HTN3: variants seen among roughly 807,000 people sequenced by gnomAD.
HTN3 encodes the protein histatin 3.
Under a neutral mutation model 10.6 loss-of-function variants are expected in HTN3, and 15 were observed. The observed-to-expected ratio is 1.42, with a 90% CI of 0.95 to 2.18. The LOEUF (loss-of-function observed/expected upper bound fraction) is 2.18. Ranked by LOEUF, HTN3 falls within the 30% of genes most tolerant of loss-of-function variation. The pLI is 0.00. For synonymous variants in HTN3, 15 were observed against 16.9 expected (o/e 0.89, Z 0.27); for missense variants, 68 against 58.0 (o/e 1.17, Z -0.56).
chr4:70,034,763 A>G (rs1390447489), intron 5 of HTN3, among the ~76,000 whole-genome samples: 2 of 152,222 alleles, frequency 1.3e-5, no homozygotes, highest in Non-Finnish European at 2.9e-5. Flanking sequence ...TGTTTATTGC[A>G]GCACTATTTA....
Position 70,032,003 on chromosome 4 carries a change from A to G in HTN3, c.72+4A>G. 1 of 1,563,644 alleles carries G rather than the reference A, an allele frequency of 6.4e-7. No individual in the cohort carries two copies. Among genetic ancestry groups the G allele is most frequent in the Non-Finnish European group, 8.8e-7 (1 of 1,138,518 alleles). On this transcript the variant is annotated splice_donor_region_variant and intron_variant, in intron 3 of 5. Coordinates refer to ENST00000673563, the MANE Select transcript of HTN3 (RefSeq NM_000200.3). ...GGGAGCTGATTCACATGCAAAGGTA[A>G]GACATTTTCATTTACTGGAAAACTT...
intron 4 of HTN3, among the ~76,000 whole-genome samples, 191 bp downstream of exon 4, chr4:70,032,298 G>A (rs561798967): frequency 5.3e-5 from 8 of 151,994 alleles, no homozygotes; most frequent in South Asian, 2.1e-4. Flanking sequence ...GCATTTCAAC[G>A]GAAACTCAAT....
At position 70,032,085 on chromosome 4, in the gene HTN3, A is replaced by G. The variant is rs199755562; in HGVS notation, c.80A>G (p.His27Arg). The G allele has an allele frequency of 6.5e-7, 1 of 1,535,704 alleles. No individual in the cohort carries two copies. Among genetic ancestry groups the G allele is most frequent in the Non-Finnish European group, 9.0e-7 (1 of 1,115,578 alleles). ...TTTCTTTTTATTTCATAGAGACATC[A>G]TGGGTATAAAAGAAAATTCCATGTA... ...TGADSHAKRH[H>R]GYKRKFHEKH... The change falls in exon 4 of 6, where the codon CAT becomes CGT. Residue 27 changes from histidine to arginine, a missense_variant. By Grantham distance (29) the His-to-Arg change is conservative (BLOSUM62 0). Transcript: ENST00000673563.
At position 70,031,985 on chromosome 4, in the gene HTN3, G is replaced by A. The variant is rs749483616; in HGVS notation, c.58G>A (p.Asp20Asn). 5.7e-5 allele frequency: 88 copies of A among 1,551,002 alleles called. No homozygotes were observed. The highest frequency in any genetic ancestry group is 7.1e-5 in the Non-Finnish European group (80 of 1,127,696). The part of the protein sequence containing the change: ...LALMLSMTGA[D>N]SHAKRHHGYK... The stretch of plus-strand genomic sequence containing the variant: ...CATTTTCTTCTTTTCCAAGGGAGCT[G>A]ATTCACATGCAAAGGTAAGACATTT... The change falls in exon 3 of 6, where the codon GAT (aspartate) becomes AAT (asparagine). Residue 20 changes from aspartate to asparagine, a missense_variant. By Grantham distance (23) the Asp-to-Asn change is conservative. Transcript: ENST00000673563.
chr4:70,030,451 C>T (rs1411830905), intron 1 of HTN3, among the ~76,000 whole-genome samples: 4 of 152,030 alleles, frequency 2.6e-5, no homozygotes, highest in Non-Finnish European at 4.4e-5. Context: ...TATAGTGAGA[C>T]TAAAAATATT....
chr4:70,032,349 C>A (rs1279618097), intron 4 of HTN3, among the ~76,000 whole-genome samples: 3 of 152,082 alleles, frequency 2.0e-5, no homozygotes, highest in Non-Finnish European at 4.4e-5. Context: ...TCTTTGAGAG[C>A]TTAAGTATCT....
At chr4:70,034,791 A>G (rs1725473019) in intron 5 of HTN3, among the ~76,000 whole-genome samples, 1 of 152,222 alleles carries the variant, frequency 6.6e-6, no homozygotes, top group African/African-American at 2.4e-5. Flanking sequence ...AAAGACATGG[A>G]ACAACCCAAA....
intron 1 of HTN3, among the ~76,000 whole-genome samples, chr4:70,029,072 G>T (rs1295847863): frequency 6.6e-6 from 1 of 151,714 alleles, no homozygotes; most frequent in East Asian, 1.9e-4. Flanking sequence ...TTGTGTTATG[G>T]CAGAAAAGAC....
At chr4:70,032,157 C>A (rs762860733) in intron 4 of HTN3, 50 bp downstream of exon 4, 45 of 1,147,000 alleles carry the variant, frequency 3.9e-5, no homozygotes, top group Non-Finnish European at 5.7e-5. Flanking sequence ...TCTTCTCTGA[C>A]TATTTATTCT....
chr4:70,028,761 G>GA (rs746356460), intron 1 of HTN3, among the ~76,000 whole-genome samples: 26 of 152,092 alleles, frequency 1.7e-4, no homozygotes, highest in African/African-American at 6.0e-4. Context: ...CTGATGGTGG[G>GA]ACCTCAATGA....
intron 2 of HTN3, 142 bp downstream of exon 2, chr4:70,030,933 C>A (rs1725370418): frequency 1.5e-6 from 1 of 663,424 alleles, no homozygotes; most frequent in South Asian, 1.7e-5. Flanking sequence ...CTTGAATTAA[C>A]CTATATAAGT....
At chr4:70,033,076 T>C in intron 4 of HTN3, 91 bp from the exon 5 acceptor site, 3 of 865,438 alleles carry the variant, frequency 3.5e-6, no homozygotes, top group Non-Finnish European at 3.8e-6. Context: ...ACTTTAACAA[T>C]CTAAGCTTTC....
At chr4:70,028,879 T>C (rs1725305899) in intron 1 of HTN3, among the ~76,000 whole-genome samples, 1 of 152,096 alleles carries the variant, frequency 6.6e-6, no homozygotes, top group Non-Finnish European at 1.5e-5. Flanking sequence ...AGATTCTGTC[T>C]TGCAAATTCA....
At chr4:70,032,265 C>A (rs1217736381) in intron 4 of HTN3, among the ~76,000 whole-genome samples, 158 bp downstream of exon 4, 1 of 151,942 alleles carries the variant, frequency 6.6e-6, no homozygotes, top group Non-Finnish European at 1.5e-5. Context: ...GGTAAAAGGT[C>A]ACAAAAATCT....
At position 70,032,114 on chromosome 4, in the gene HTN3, G is replaced by T; in HGVS notation, c.102+7G>T. The stretch of plus-strand genomic sequence containing the variant: ...GTATAAAAGAAAATTCCATGTAAGT[G>T]TTCTTCTGATAATGTGCACTCTGAA... On this transcript the variant is annotated splice_region_variant and intron_variant, in intron 4 of 5. Transcript: ENST00000673563. 6.7e-7 allele frequency: 1 copy of T among 1,493,058 alleles called. No individual in the cohort carries two copies. Among genetic ancestry groups the T allele is most frequent in the Non-Finnish European group, 9.3e-7 (1 of 1,077,908 alleles). 92.5% of individuals were successfully genotyped at this position (1,493,058 alleles called of 1,614,324 possible).
chr4:70,033,952 G>C lies in HTN3; in HGVS notation c.*33+699G>C, dbSNP rs569447716. ...ACAATCCTGACAAAAACAAGCAATGGGAAAAGGATCTCCTAGTCAATAAAT... is the reference window on the plus strand; with the variant it reads ...ACAATCCTGACAAAAACAAGCAATGCGAAAAGGATCTCCTAGTCAATAAAT... On this transcript the variant is annotated intron_variant, in intron 5 of 5. Transcript: ENST00000673563. 4 of 152,042 alleles carry C rather than the reference G, an allele frequency of 2.6e-5. No homozygotes were observed. In the South Asian group the frequency reaches 8.3e-4, roughly 32 times the overall value. The allele number at this position is 152,042 out of a possible 1,614,324, so 9.4% of individuals were successfully genotyped here.
chr4:70,030,856 C>T (rs1028428604), intron 2 of HTN3, 65 bp downstream of exon 2: 1 of 1,222,074 alleles, frequency 8.2e-7, no homozygotes, highest in African/African-American at 1.5e-5. Flanking sequence ...CTTTCTTATT[C>T]CTTACGTTCT....
intron 2 of HTN3, chr4:70,031,402 C>T (rs1185757479): frequency 6.6e-6 from 1 of 150,768 alleles, no homozygotes; most frequent in African/African-American, 2.6e-5. Flanking sequence ...CTTCCCACTC[C>T]TCCTCTTCTT....
chr4:70,032,157 CTATT>C lies in HTN3; in HGVS notation c.102+55_102+58del, dbSNP rs776120310. The C allele has an allele frequency of 3.3e-5, 38 of 1,147,004 alleles. No individual in the cohort carries two copies. The Admixed American group carries it at 6.8e-4, about 21-fold the overall frequency. 71.1% of individuals were successfully genotyped at this position (1,147,004 alleles called of 1,614,324 possible). On this transcript the variant is annotated intron_variant, in intron 4 of 5. Coordinates refer to ENST00000673563, the MANE Select transcript of HTN3 (RefSeq NM_000200.3). ...ACTCTGAATAAGTTTTCTTCTCTGA[CTATT>C]TATTCTCCTAGAATAATTGATAGTT...
Sources: allele counts gnomAD v4.1 joint callset (sites outside exome capture counted in the v4.1 genomes callset), GRCh38; gene constraint gnomAD v4.1.1; transcripts MANE v1.5; gene names NCBI Gene and HGNC (gene_info 2026-07-23, HGNC 2026-07-21).